Variants in TLK1 observed in about 807,000 individuals in gnomAD.
The protein encoded by TLK1 is serine/threonine-protein kinase tousled-like 1.
In TLK1, 24 loss-of-function variants were observed where a neutral mutation model predicts 105.3. The ratio of observed to expected loss-of-function variants is 0.23; its 90% CI spans 0.17 to 0.32. The LOEUF (loss-of-function observed/expected upper bound fraction) is 0.32, where lower values mean the gene tolerates loss of function less well. Ranked by LOEUF, TLK1 falls within the 10% of genes least tolerant of loss-of-function variation. The pLI, the probability that TLK1 is intolerant of heterozygous loss-of-function variation, is 1.00. For synonymous variants in TLK1, 321 were observed against 310.4 expected, an observed-to-expected ratio of 1.03 and a Z score of -0.36; for missense variants, 558 against 910.5, an observed-to-expected ratio of 0.61 and a Z score of 4.98.
At chr2:171,068,062 C>T (rs997762692) in intron 3 of TLK1, among the ~76,000 whole-genome samples, 1 of 152,036 alleles carries the variant, frequency 6.6e-6, no homozygotes, top group Non-Finnish European at 1.5e-5. Context: ...CATGGTGGCT[C>T]AAGCCTGTAA....
At position 171,160,751 on chromosome 2, in the gene TLK1, G is replaced by A. The variant is rs1405211054; in HGVS notation, c.-323C>T. On this transcript the variant is annotated 5_prime_UTR_variant, in exon 1 of 21. Transcript: ENST00000431350. This position sits in a 1 kb window ranked among gnomAD's most constrained non-coding sequence, Gnocchi z 4.4. ...CAGCCGGGCCGGGGTCGGAGCGCGG[G>A]CGGAGCGCGGGCTGCGCCGGCCGAG... 1.2e-5 allele frequency: 5 copies of A among 426,472 alleles called. No homozygotes were observed. Among genetic ancestry groups the A allele is most frequent in the Non-Finnish European group, 2.0e-5 (5 of 245,638 alleles). 26.4% of individuals were successfully genotyped at this position (426,472 alleles called of 1,614,324 possible).
At chr2:171,211,125 A>G (rs1693604914) in intron 1 of TLK1, among the ~76,000 whole-genome samples, 1 of 152,222 alleles carries the variant, frequency 6.6e-6, no homozygotes, top group African/African-American at 2.4e-5. Context: ...CTTAGATACT[A>G]AAAAGCACTC....
At chr2:171,065,800 G>A (rs1236591352) in intron 3 of TLK1, among the ~76,000 whole-genome samples, 2 of 152,196 alleles carry the variant, frequency 1.3e-5, no homozygotes, top group Non-Finnish European at 2.9e-5. Flanking sequence ...GCCTCCCAGA[G>A]TGCTGGGATT....
At chr2:171,036,554 GTTTGAATGGAT>G (rs1376775172) in intron 11 of TLK1, among the ~76,000 whole-genome samples, 1 of 152,204 alleles carries the variant, frequency 6.6e-6, no homozygotes, top group African/African-American at 2.4e-5. Context: ...TCCAAATGGA[GTTTGAATGGAT>G]TTTGAAATTC....
chr2:171,123,540 GC>G (rs1690744645), intron 1 of TLK1, among the ~76,000 whole-genome samples: 1 of 152,176 alleles, frequency 6.6e-6, no homozygotes, highest in Admixed American at 6.5e-5. Flanking sequence ...AAACGCAGTG[GC>G]TCACGTCTGT....
At chr2:171,160,939 C>T (rs1692473892), upstream of TLK1, 1 of 218,210 alleles carries the variant, frequency 4.6e-6, no homozygotes, top group South Asian at 1.4e-4. This position sits in a 1 kb window ranked among gnomAD's most constrained non-coding sequence, Gnocchi z 4.4. Flanking sequence ...TGTGCAAACA[C>T]TATCGCGAGG....
At chr2:171,026,750 ACGACT>A (rs1245899824) in intron 12 of TLK1, among the ~76,000 whole-genome samples, 11 of 152,162 alleles carry the variant, frequency 7.2e-5, no homozygotes, top group Non-Finnish European at 1.5e-4. Flanking sequence ...ACAGATACTT[ACGACT>A]CATCCTGTAC....
At chr2:171,116,298 T>C (rs1158960259) in intron 2 of TLK1, among the ~76,000 whole-genome samples, 8 of 152,166 alleles carry the variant, frequency 5.3e-5, no homozygotes, top group Non-Finnish European at 1.2e-4. Flanking sequence ...AGAATATACA[T>C]GAAACATGAG....
At chr2:171,066,632 C>T (rs1037292547) in intron 3 of TLK1, among the ~76,000 whole-genome samples, 6 of 152,192 alleles carry the variant, frequency 3.9e-5, no homozygotes, top group African/African-American at 1.4e-4. Flanking sequence ...ACTCCTATCA[C>T]TTGGACCCAC....
rs377090788 is a variant in TLK1 at position 171,183,532 on chromosome 2, G to A, written c.-6+47613C>T. Among the ~76,000 whole-genome samples, 6 of 151,810 alleles carry A rather than the reference G, an allele frequency of 4.0e-5. No homozygotes were observed. The East Asian group carries it at 1.2e-3, about 29-fold the overall frequency. The stretch of plus-strand genomic sequence containing the variant: ...TGGTTTTATTCTTCATTGATTTTTT[G>A]ATACTCTTTATATACTATGGATATT... On this transcript the variant is annotated intron_variant, in intron 1 of 20. Transcript: ENST00000521943.
chr2:171,075,474 G>C (rs1270181547), intron 3 of TLK1, among the ~76,000 whole-genome samples: 2 of 152,124 alleles, frequency 1.3e-5, no homozygotes, highest in Non-Finnish European at 2.9e-5. Context: ...AAATTTGATT[G>C]AGATTATACA....
intron 2 of TLK1, among the ~76,000 whole-genome samples, chr2:171,111,289 C>T (rs974428122): frequency 6.6e-6 from 1 of 152,000 alleles, no homozygotes; most frequent in Non-Finnish European, 1.5e-5. Context: ...AAAGATCTCC[C>T]CGGCTGAGCA....
At chr2:171,194,620 A>C (rs112278653) in intron 1 of TLK1, among the ~76,000 whole-genome samples, 17,099 of 151,748 alleles carry the variant, frequency 0.11, 1,456 homozygotes, top group African/African-American at 0.24. Flanking sequence ...GATCGAGACC[A>C]TCCTGGCTAA....
upstream of TLK1, among the ~76,000 whole-genome samples, chr2:171,163,778 T>G (rs1376528246): frequency 6.6e-6 from 1 of 151,792 alleles, no homozygotes; most frequent in Non-Finnish European, 1.5e-5. Flanking sequence ...CAGGCTGGAG[T>G]GCAGTGGTGC....
intron 2 of TLK1, among the ~76,000 whole-genome samples, chr2:171,088,338 C>T (rs1575587482): frequency 6.6e-6 from 1 of 150,926 alleles, no homozygotes; most frequent in African/African-American, 2.4e-5. Flanking sequence ...AAAAACACCC[C>T]AAAAAACAAA....
At chr2:171,154,616 T>C (rs1347993934) in intron 1 of TLK1, 1 of 152,222 alleles carries the variant, frequency 6.6e-6, no homozygotes, top group Admixed American at 6.5e-5. Context: ...GTCACACAGC[T>C]AGTTAATAGC....
At chr2:171,113,413 G>C (rs1690268244) in intron 2 of TLK1, among the ~76,000 whole-genome samples, 1 of 151,900 alleles carries the variant, frequency 6.6e-6, no homozygotes, top group Admixed American at 6.6e-5. Context: ...TGGGATTACA[G>C]GCACCCGCCA....
At chr2:171,122,972 G>A (rs1690715083) in intron 1 of TLK1, among the ~76,000 whole-genome samples, 1 of 151,430 alleles carries the variant, frequency 6.6e-6, no homozygotes, top group Non-Finnish European at 1.5e-5. Context: ...CCAGGAGGTA[G>A]AGGTTGCAGT....
At chr2:171,172,937 G>GA (rs1692756897) in intron 1 of TLK1, among the ~76,000 whole-genome samples, 1 of 152,208 alleles carries the variant, frequency 6.6e-6, no homozygotes, top group African/African-American at 2.4e-5. Context: ...AAACATTTTG[G>GA]AAAGTGATTT....
Sources: allele counts gnomAD v4.1 joint callset (sites outside exome capture counted in the v4.1 genomes callset), GRCh38; gene constraint gnomAD v4.1.1; non-coding constraint Gnocchi (gnomAD v3.1); transcripts MANE v1.5; gene names NCBI Gene and HGNC (gene_info 2026-07-23, HGNC 2026-07-21).